Variants in SDHC observed in about 807,000 individuals in gnomAD.
The protein encoded by SDHC is succinate dehydrogenase complex subunit C.
Under a neutral mutation model 22.6 loss-of-function variants are expected in SDHC, and 11 were observed. The ratio of observed to expected loss-of-function variants is 0.49; its 90% CI spans 0.31 to 0.81. The LOEUF (loss-of-function observed/expected upper bound fraction) is 0.81, where lower values mean the gene tolerates loss of function less well. Among genes scored for constraint, SDHC ranks in the 30% least tolerant of loss-of-function variants. The pLI, the probability that SDHC is intolerant of heterozygous loss-of-function variation, is 0.05. For missense variants in SDHC, 160 were observed against 212.0 expected, an observed-to-expected ratio of 0.75 and a Z score of 1.52; for synonymous variants, 80 against 77.8, an observed-to-expected ratio of 1.03 and a Z score of -0.15.
chr1:161,330,348 T>C (rs1326813968), intron 3 of SDHC, among the ~76,000 whole-genome samples: 1 of 152,122 alleles, frequency 6.6e-6, no homozygotes, highest in East Asian at 1.9e-4. Flanking sequence ...ACTCCCAAAA[T>C]ACAGTGGTGG....
chr1:161,358,888 T>C (rs1672389041), intron 5 of SDHC, among the ~76,000 whole-genome samples: 1 of 147,616 alleles, frequency 6.8e-6, no homozygotes, highest in Admixed American at 6.8e-5. Flanking sequence ...ATCATGCCAT[T>C]GTACTCCATC....
chr1:161,356,466 G>A (rs917771297), intron 4 of SDHC, among the ~76,000 whole-genome samples: 1 of 152,184 alleles, frequency 6.6e-6, no homozygotes, highest in Non-Finnish European at 1.5e-5. Context: ...TTGAACTTGG[G>A]AGGTGGAGGT....
chr1:161,350,633 C>T (rs1361914729), intron 4 of SDHC, among the ~76,000 whole-genome samples: 1 of 151,980 alleles, frequency 6.6e-6, no homozygotes, highest in African/African-American at 2.4e-5. Context: ...AGACATAAGA[C>T]CGGAATGTGA....
At chr1:161,316,914 C>T (rs1232189463) in intron 1 of SDHC, among the ~76,000 whole-genome samples, 4 of 151,922 alleles carry the variant, frequency 2.6e-5, no homozygotes, top group African/African-American at 9.7e-5. Flanking sequence ...TTTTGGTTTC[C>T]TCATTTGTGT....
In SDHC at chr1:161,362,515, G is replaced by A. The variant is rs1672561225; in HGVS notation, c.*82G>A. The A allele has an allele frequency of 2.5e-6, 4 of 1,609,520 alleles. No homozygotes were observed. In the South Asian group the frequency reaches 4.4e-5, roughly 18 times the overall value. On this transcript the variant is annotated 3_prime_UTR_variant, in exon 6 of 6. Coordinates refer to ENST00000367975, the MANE Select transcript of SDHC (RefSeq NM_003001.5). Reference sequence around the variant, plus strand: ...TGTTTGTCATTCTTATCTCCAGCCTGGGAAAAGTTCTCCTTATTTGTTTAG... The same window carrying A: ...TGTTTGTCATTCTTATCTCCAGCCTAGGAAAAGTTCTCCTTATTTGTTTAG...
At chr1:161,317,274 C>T (rs1026824677) in intron 1 of SDHC, among the ~76,000 whole-genome samples, 2 of 151,726 alleles carry the variant, frequency 1.3e-5, no homozygotes, top group Non-Finnish European at 1.5e-5. Context: ...ATGATCCATC[C>T]GCCTCGGCCT....
At chr1:161,323,562 A>G (rs1423709906) in intron 1 of SDHC, 52 bp from the exon 2 acceptor site, 17 of 1,395,438 alleles carry the variant, frequency 1.2e-5, no homozygotes, top group African/African-American at 1.4e-5. Flanking sequence ...AAGTTGATAT[A>G]CTAAAGTTGA....
chr1:161,347,228 T>C (rs1053300729), intron 4 of SDHC, among the ~76,000 whole-genome samples: 4 of 152,114 alleles, frequency 2.6e-5, no homozygotes, highest in Non-Finnish European at 5.9e-5. Flanking sequence ...TCCCGGATCA[T>C]TGGATGATTA....
chr1:161,344,408 C>T (rs1434180078), intron 4 of SDHC, among the ~76,000 whole-genome samples: 2 of 151,492 alleles, frequency 1.3e-5, no homozygotes, highest in South Asian at 2.1e-4. Flanking sequence ...AGTGAGCTGT[C>T]ACTGTGCCAC....
At chr1:161,361,463 C>T (rs771169021) in intron 5 of SDHC, among the ~76,000 whole-genome samples, 15 of 152,046 alleles carry the variant, frequency 9.9e-5, no homozygotes, top group Non-Finnish European at 2.2e-4. Context: ...GAGTTTCCCT[C>T]TATAAAAAGA....
At position 161,356,640 on chromosome 1, in the gene SDHC, T is replaced by C. The variant is rs765053466; in HGVS notation, c.242-37T>C. 2.5e-6 allele frequency: 4 copies of C among 1,610,038 alleles called. No individual in the cohort carries two copies. The highest frequency in any genetic ancestry group is 3.4e-6 in the Non-Finnish European group (4 of 1,177,018). The stretch of plus-strand genomic sequence containing the variant: ...TATGTATCATATTAGTTGTAACTTA[T>C]GAGCAGCTGTGACAAGCTACTTGGT... On this transcript the variant is annotated intron_variant, in intron 4 of 5. Transcript: ENST00000367975.
intron 4 of SDHC, among the ~76,000 whole-genome samples, chr1:161,341,523 T>G (rs1417336971): frequency 2.6e-5 from 4 of 152,222 alleles, no homozygotes; most frequent in African/African-American, 9.7e-5. Flanking sequence ...TTTTCTGGGA[T>G]CTGATGTATC....
In SDHC at chr1:161,330,396, A is replaced by T. The variant is rs143709270; in HGVS notation, c.179+1899A>T. 2.2e-3 allele frequency among the ~76,000 whole-genome samples: 339 copies of T among 152,302 alleles called. 1 individual carries two copies. The highest frequency in any genetic ancestry group is 0.011 in the Admixed American group (169 of 15,290). ...ATAACAACTGTAGACATTCCTGCTCAAAAAGTGAGAAAATGGAAGGAAAAA... is the reference window on the plus strand; with the variant it reads ...ATAACAACTGTAGACATTCCTGCTCTAAAAGTGAGAAAATGGAAGGAAAAA... On this transcript the variant is annotated intron_variant, in intron 3 of 5. Transcript: ENST00000367975.
At chr1:161,360,728 AT>A (rs1170710239) in intron 5 of SDHC, among the ~76,000 whole-genome samples, 1 of 151,924 alleles carries the variant, frequency 6.6e-6, no homozygotes, top group Non-Finnish European at 1.5e-5. Context: ...ATTTTTTAGT[AT>A]TAAAAAGAAA....
intron 2 of SDHC, among the ~76,000 whole-genome samples, chr1:161,326,986 C>G (rs890716359): frequency 6.6e-6 from 1 of 152,020 alleles, no homozygotes; most frequent in Non-Finnish European, 1.5e-5. Context: ...TGCCATGATG[C>G]AATCACAGCT....
At chr1:161,340,229 G>C (rs4282845) in intron 3 of SDHC, among the ~76,000 whole-genome samples, 68,968 of 151,742 alleles carry the variant, frequency 0.45, 17,226 homozygotes, top group African/African-American at 0.67. Flanking sequence ...GCAGAGGTTG[G>C]AGTGAGCTGA....
chr1:161,346,518 C>A (rs776923174), intron 4 of SDHC, among the ~76,000 whole-genome samples: 1 of 152,018 alleles, frequency 6.6e-6, no homozygotes. Context: ...CCTGCCTCAG[C>A]CTCCCGACTA....
intron 4 of SDHC, among the ~76,000 whole-genome samples, chr1:161,345,830 G>A (rs1671874448): frequency 6.6e-6 from 1 of 151,202 alleles, no homozygotes. Flanking sequence ...TTTTGAGACG[G>A]AGTCTTGCTC....
intron 4 of SDHC, among the ~76,000 whole-genome samples, chr1:161,347,754 T>C (rs1017710741): frequency 1.3e-5 from 2 of 151,936 alleles, no homozygotes; most frequent in African/African-American, 2.4e-5. Flanking sequence ...TAGTCCCAGA[T>C]ACTTGGGAGG....
Sources: gnomAD v4.1 joint callset for allele counts (sites outside exome capture counted in the v4.1 genomes callset) on GRCh38, gnomAD v4.1.1 for gene constraint, MANE v1.5 for transcripts, NCBI Gene and HGNC (gene_info 2026-07-23, HGNC 2026-07-21) for gene names.